The following NFASC variants were observed in gnomAD, a reference collection of about 807,000 sequenced individuals.
NFASC encodes neurofascin.
NFASC carries 43 observed loss-of-function variants against 147.5 expected under a neutral mutation model. That is an observed-to-expected ratio of 0.29 (90% CI 0.23 to 0.38). The LOEUF (loss-of-function observed/expected upper bound fraction) is 0.38, where lower values mean the gene tolerates loss of function less well. Ranked by LOEUF, NFASC falls within the 10% of genes least tolerant of loss-of-function variation. The pLI is 1.00. For missense variants in NFASC, 1,320 were observed against 1,689.0 expected, an observed-to-expected ratio of 0.78 and a Z score of 3.83; for synonymous variants, 622 against 665.5, an observed-to-expected ratio of 0.93 and a Z score of 1.01.
intron 2 of NFASC, among the ~76,000 whole-genome samples, chr1:204,938,263 G>A (rs2595951): frequency 0.17 from 26,074 of 152,198 alleles, 3,039 homozygotes; most frequent in African/African-American, 0.33. Flanking sequence ...CCATGGATGC[G>A]TCATTATTAC....
At chr1:204,966,840 T>G (rs1322743650) in intron 8 of NFASC, among the ~76,000 whole-genome samples, 3 of 152,322 alleles carry the variant, frequency 2.0e-5, no homozygotes, top group Admixed American at 2.0e-4. Flanking sequence ...GTTTCATCCT[T>G]TCTTCTTTTG....
At chr1:205,007,453 GGGA>G (rs1397714377) in intron 27 of NFASC, among the ~76,000 whole-genome samples, 1 of 147,884 alleles carries the variant, frequency 6.8e-6, no homozygotes, top group Non-Finnish European at 1.5e-5. Context: ...GGAGTGGGAT[GGGA>G]GGAGAAGGGG....
intron 2 of NFASC, among the ~76,000 whole-genome samples, chr1:204,938,716 C>T (rs1247096602): frequency 1.3e-5 from 2 of 152,216 alleles, no homozygotes; most frequent in African/African-American, 4.8e-5. Flanking sequence ...CACTCACAAG[C>T]CTTGCAGATT....
intron 1 of NFASC, among the ~76,000 whole-genome samples, chr1:204,886,555 C>T (rs908683534): frequency 6.6e-6 from 1 of 152,178 alleles, no homozygotes; most frequent in South Asian, 2.1e-4. Context: ...ACTCAGAGTT[C>T]CTGATTCGGG....
chr1:204,905,157 G>C (rs1474396357), intron 1 of NFASC, among the ~76,000 whole-genome samples: 1 of 152,040 alleles, frequency 6.6e-6, no homozygotes, highest in African/African-American at 2.4e-5. Context: ...CAGTCATAGT[G>C]CATCATAGCC....
intron 1 of NFASC, chr1:204,871,147 C>G: frequency 8.1e-7 from 1 of 1,234,056 alleles, no homozygotes; most frequent in Non-Finnish European, 1.1e-6. Context: ...TTCAAAGACT[C>G]TGAAGCGGTG....
intron 8 of NFASC, among the ~76,000 whole-genome samples, chr1:204,960,760 C>T (rs1445220880): frequency 6.6e-6 from 1 of 152,218 alleles, no homozygotes; most frequent in South Asian, 2.1e-4. Flanking sequence ...CCCATCTCTT[C>T]GTTACATTGT....
Position 205,015,022 on chromosome 1 carries a change from C to T in NFASC, c.3492-1286C>T, listed in dbSNP as rs1377401455. Among the ~76,000 whole-genome samples the T allele has an allele frequency of 6.6e-6, 1 of 152,094 alleles. No homozygotes were observed. The highest frequency in any genetic ancestry group is 1.9e-4 in the East Asian group (1 of 5,162). On this transcript the variant is annotated intron_variant, in intron 29 of 29. Coordinates refer to ENST00000339876, the MANE Select transcript of NFASC (RefSeq NM_001005388.3). This position sits in a 1 kb window ranked among gnomAD's most constrained non-coding sequence, Gnocchi z 4.0. ...CCCACGAATACAGTTAGGCTGTATT[C>T]GTGGGGCAGCACTGTGGGGAGTGGG...
chr1:204,887,281 T>G (rs1486045039), intron 1 of NFASC, among the ~76,000 whole-genome samples: 1 of 152,220 alleles, frequency 6.6e-6, no homozygotes, highest in African/African-American at 2.4e-5. Context: ...CTTATTTCAC[T>G]TAGCATGAAT....
At position 204,979,158 on chromosome 1, in the gene NFASC, C is replaced by T. The variant is rs1379809515; in HGVS notation, c.1978+89C>T. The T allele has an allele frequency of 3.4e-6, 4 of 1,170,674 alleles. No homozygotes were observed. Among genetic ancestry groups the T allele is most frequent in the Non-Finnish European group, 4.9e-6 (4 of 815,420 alleles). The allele number at this position is 1,170,674 out of a possible 1,614,324, so 72.5% of individuals were successfully genotyped here. On this transcript the variant is annotated intron_variant, in intron 18 of 29. Coordinates refer to ENST00000339876, the MANE Select transcript of NFASC (RefSeq NM_001005388.3). The surrounding 1 kb of genome is among the most constrained non-coding windows in gnomAD (Gnocchi z 6.0). ...CCTTTCCTGGTTTCCAGCCCCACTTCTGCCTCGCTTGATGTGTGTCCTGGG... is the reference window on the plus strand; with the variant it reads ...CCTTTCCTGGTTTCCAGCCCCACTTTTGCCTCGCTTGATGTGTGTCCTGGG...
chr1:204,840,332 C>T (rs1016349114), intron 1 of NFASC, among the ~76,000 whole-genome samples: 57 of 152,184 alleles, frequency 3.7e-4, no homozygotes, highest in Non-Finnish European at 7.3e-4. Flanking sequence ...ATTGCAATCT[C>T]TGAGGGTTGG....
At chr1:204,836,885 T>C (rs1673945964) in intron 1 of NFASC, among the ~76,000 whole-genome samples, 1 of 152,278 alleles carries the variant, frequency 6.6e-6, no homozygotes, top group African/African-American at 2.4e-5. Context: ...GTTTTGTTTT[T>C]GTAAGATATT....
intron 10 of NFASC, among the ~76,000 whole-genome samples, chr1:204,969,678 G>T (rs1055001180): frequency 6.6e-6 from 1 of 152,168 alleles, no homozygotes; most frequent in African/African-American, 2.4e-5. Context: ...TAGGGGGTGA[G>T]TATCAAGATT....
chr1:204,883,469 C>T (rs2080701126), intron 1 of NFASC, among the ~76,000 whole-genome samples: 1 of 152,220 alleles, frequency 6.6e-6, no homozygotes, highest in South Asian at 2.1e-4. Flanking sequence ...CGACCCCGCT[C>T]TGTGGCCTGT....
In NFASC at chr1:204,970,638, A is replaced by G; in HGVS notation, c.1026A>G (p.Glu342=). 1 of 1,614,024 alleles carries G rather than the reference A, an allele frequency of 6.2e-7. No homozygotes were observed. Among genetic ancestry groups the G allele is most frequent in the South Asian group, 1.1e-5 (1 of 91,066 alleles). Residue 342 remains glutamate (E), a synonymous_variant, in exon 11 of 30, where the codon GAA becomes GAG. Transcript: ENST00000339876. The part of the protein sequence containing the change: ...RVKAAPYWLD[E]PKNLILAPGE... ...CAGCTGCTCCCTACTGGCTGGACGAACCCAAGAACCTTATTCTGGCTCCTG... is the reference window on the plus strand; with the variant it reads ...CAGCTGCTCCCTACTGGCTGGACGAGCCCAAGAACCTTATTCTGGCTCCTG...
chr1:204,847,641 G>T (rs2075298105), intron 1 of NFASC, among the ~76,000 whole-genome samples: 1 of 152,118 alleles, frequency 6.6e-6, no homozygotes, highest in Admixed American at 6.5e-5. Context: ...GAAGTCAGGG[G>T]GTTGCAGAGG....
In NFASC at chr1:204,930,261, A is replaced by AG. The variant is rs2092241475; in HGVS notation, c.-91+9526dup. Among the ~76,000 whole-genome samples the AG allele has an allele frequency of 5.9e-5, 9 of 152,286 alleles. No individual in the cohort carries two copies. The South Asian group carries it at 1.9e-3, about 32-fold the overall frequency. On this transcript the variant is annotated intron_variant, in intron 2 of 29. Coordinates refer to ENST00000339876, the MANE Select transcript of NFASC (RefSeq NM_001005388.3). ...CAGACAGAAAGCTCTGAGAGTCAGC[A>AG]GGGGGAGATTTGAGAAAGAAAGATG...
intron 4 of NFASC, among the ~76,000 whole-genome samples, chr1:204,951,206 C>A (rs1228653345): frequency 6.9e-6 from 1 of 145,674 alleles, no homozygotes; most frequent in African/African-American, 2.5e-5. Context: ...TGGAGTACAG[C>A]AGCACAATCT....
intron 23 of NFASC, 80 bp downstream of exon 23, chr1:204,988,886 G>T (rs1237862405): frequency 1.4e-6 from 2 of 1,383,062 alleles, no homozygotes; most frequent in East Asian, 4.6e-5. Flanking sequence ...ATCTGTAGCT[G>T]GCTGCCTGGG....
Sources: gnomAD v4.1 joint callset for allele counts (sites outside exome capture counted in the v4.1 genomes callset) on GRCh38, gnomAD v4.1.1 for gene constraint, Gnocchi (gnomAD v3.1) non-coding constraint, MANE v1.5 for transcripts, NCBI Gene and HGNC (gene_info 2026-07-23, HGNC 2026-07-21) for gene names.